Variants in SOX5 observed in about 807,000 individuals in gnomAD.
The protein encoded by SOX5 is SRY-box transcription factor 5.
SOX5 carries 9 observed loss-of-function variants against 92.0 expected under a neutral mutation model. That is an observed-to-expected ratio of 0.10 (90% CI 0.06 to 0.17). The LOEUF (loss-of-function observed/expected upper bound fraction) is 0.17. Ranked by LOEUF, SOX5 falls within the 10% of genes least tolerant of loss-of-function variation. The probability of loss-of-function intolerance (pLI) is 1.00; values close to 1 mark genes in which losing one functional copy is unlikely to be tolerated. For missense variants in SOX5, 642 were observed against 944.5 expected, an observed-to-expected ratio of 0.68 and a Z score of 4.20; for synonymous variants, 344 against 336.3, an observed-to-expected ratio of 1.02 and a Z score of -0.25.
At chr12:24,245,971 T>A (rs1049357343) in intron 3 of SOX5, among the ~76,000 whole-genome samples, 1 of 152,218 alleles carries the variant, frequency 6.6e-6, no homozygotes, top group African/African-American at 2.4e-5. Context: ...ATGGCTTTAG[T>A]GTAGAACTGT....
chr12:24,144,049 C>T (rs765080042), intron 4 of SOX5, among the ~76,000 whole-genome samples: 2 of 151,364 alleles, frequency 1.3e-5, no homozygotes, highest in African/African-American at 2.4e-5. Flanking sequence ...AATTGTACAA[C>T]TTGTGATAAA....
chr12:24,460,080 G>T (rs1943456895), intron 1 of SOX5, among the ~76,000 whole-genome samples: 1 of 152,190 alleles, frequency 6.6e-6, no homozygotes. Flanking sequence ...AAGCCTATCT[G>T]TATTGATATC....
At chr12:23,965,338 C>G (rs1349697587) in intron 4 of SOX5, among the ~76,000 whole-genome samples, 1 of 152,182 alleles carries the variant, frequency 6.6e-6, no homozygotes, top group African/African-American at 2.4e-5. Context: ...GCTTACCTTC[C>G]TATCAGCTTG....
At chr12:23,872,718 G>C (rs2096888401) in intron 2 of SOX5, among the ~76,000 whole-genome samples, 1 of 152,102 alleles carries the variant, frequency 6.6e-6, no homozygotes, top group Admixed American at 6.6e-5. Flanking sequence ...TAATATATAG[G>C]TTGTGAGTTT....
At chr12:23,878,015 T>C (rs2096947515) in intron 2 of SOX5, among the ~76,000 whole-genome samples, 1 of 152,090 alleles carries the variant, frequency 6.6e-6, no homozygotes, top group African/African-American at 2.4e-5. Flanking sequence ...TAAAGTTAAA[T>C]ACTTAATTCT....
chr12:23,809,760 C>CTTT (rs34337302), intron 3 of SOX5, among the ~76,000 whole-genome samples: 1 of 133,330 alleles, frequency 7.5e-6, no homozygotes, highest in Non-Finnish European at 1.6e-5. Context: ...AAATGAAAGT[C>CTTT]TTTTTTTTTT....
At chr12:24,093,529 A>C (rs1212652873) in intron 4 of SOX5, among the ~76,000 whole-genome samples, 1 of 151,700 alleles carries the variant, frequency 6.6e-6, no homozygotes, top group Non-Finnish European at 1.5e-5. Flanking sequence ...TCTCAAAAAA[A>C]AAAAAACAAA....
intron 4 of SOX5, among the ~76,000 whole-genome samples, chr12:24,208,614 A>G (rs1217635331): frequency 6.6e-6 from 1 of 152,210 alleles, no homozygotes; most frequent in African/African-American, 2.4e-5. Context: ...GAAGCCTTAT[A>G]CACTGTCACC....
chr12:24,022,163 TAGG>T (rs1195565110), intron 4 of SOX5, among the ~76,000 whole-genome samples: 1 of 152,206 alleles, frequency 6.6e-6, no homozygotes, highest in Non-Finnish European at 1.5e-5. Flanking sequence ...ACGTGTTATT[TAGG>T]AGAATACATG....
chr12:23,926,785 C>G (rs1268637732), intron 1 of SOX5, among the ~76,000 whole-genome samples: 1 of 151,980 alleles, frequency 6.6e-6, no homozygotes, highest in Non-Finnish European at 1.5e-5. Context: ...CTTGTCAAGT[C>G]ATAAATGATC....
At chr12:24,276,446 G>A (rs1944442700) in intron 3 of SOX5, among the ~76,000 whole-genome samples, 1 of 152,142 alleles carries the variant, frequency 6.6e-6, no homozygotes, top group African/African-American at 2.4e-5. Context: ...AAGATGAACA[G>A]TGTTTCATTA....
intron 6 of SOX5, among the ~76,000 whole-genome samples, chr12:23,724,385 G>C (rs2092999301): frequency 6.6e-6 from 1 of 152,084 alleles, no homozygotes; most frequent in African/African-American, 2.4e-5. Context: ...GATGACCTCT[G>C]TAAAATGCCA....
At chr12:24,019,541 G>A (rs969703083) in intron 4 of SOX5, among the ~76,000 whole-genome samples, 9 of 152,180 alleles carry the variant, frequency 5.9e-5, no homozygotes, top group African/African-American at 1.9e-4. Context: ...AAAGGAAATG[G>A]TCATAGAGCA....
Position 23,715,489 on chromosome 12 carries a change from T to G in SOX5, c.810+19195A>C, listed in dbSNP as rs2092421342. Among the ~76,000 whole-genome samples, 4 of 152,162 alleles carry G rather than the reference T, an allele frequency of 2.6e-5. No individual in the cohort carries two copies. The South Asian group carries it at 8.3e-4, about 31-fold the overall frequency. The stretch of plus-strand genomic sequence containing the variant: ...AGTTAAAACTTGCACAGATTTTAAT[T>G]TGTATGATAGATCAGTAACATTTAA... On this transcript the variant is annotated intron_variant, in intron 6 of 14. Transcript: ENST00000451604.
At chr12:24,446,792 A>C (rs1040307918) in intron 1 of SOX5, among the ~76,000 whole-genome samples, 1 of 152,192 alleles carries the variant, frequency 6.6e-6, no homozygotes, top group Non-Finnish European at 1.5e-5. Context: ...AATTCCCCCC[A>C]AAAAACAATA....
At chr12:23,607,014 C>T (rs527562500) in intron 8 of SOX5, among the ~76,000 whole-genome samples, 64 of 152,228 alleles carry the variant, frequency 4.2e-4, no homozygotes, top group Middle Eastern at 6.8e-3. Context: ...CTATTCAGTT[C>T]GAGGATGGCT....
intron 1 of SOX5, among the ~76,000 whole-genome samples, chr12:24,411,095 C>G (rs955023857): frequency 6.6e-6 from 1 of 152,034 alleles, no homozygotes; most frequent in Non-Finnish European, 1.5e-5. Context: ...TGATGTTCAG[C>G]CATTCATTGC....
At chr12:24,223,108 T>C (rs892498900) in intron 3 of SOX5, among the ~76,000 whole-genome samples, 10 of 152,222 alleles carry the variant, frequency 6.6e-5, no homozygotes, top group African/African-American at 2.2e-4. Flanking sequence ...TGTTTCTTCA[T>C]GTGTAGAGTT....
intron 1 of SOX5, among the ~76,000 whole-genome samples, chr12:24,407,960 C>G (rs11047425): frequency 0.38 from 57,631 of 152,056 alleles, 11,154 homozygotes; most frequent in Middle Eastern, 0.48. Flanking sequence ...TAGGGAATCA[C>G]TCATGACAGG....
Sources: allele counts gnomAD v4.1 joint callset (sites outside exome capture counted in the v4.1 genomes callset), GRCh38; gene constraint gnomAD v4.1.1; transcripts MANE v1.5; gene names NCBI Gene and HGNC (gene_info 2026-07-23, HGNC 2026-07-21).